The following PCNX2 variants were observed in gnomAD, a reference collection of about 807,000 sequenced individuals.
The protein encoded by PCNX2 is pecanex-like protein 2.
A neutral mutation model predicts 223.8 loss-of-function variants in PCNX2; 168 were observed. The ratio of observed to expected loss-of-function variants is 0.75; its 90% confidence interval spans 0.66 to 0.85. The LOEUF (loss-of-function observed/expected upper bound fraction) is 0.85. Ranked by LOEUF, PCNX2 falls within the 40% of genes least tolerant of loss-of-function variation. The pLI, the probability that PCNX2 is intolerant of heterozygous loss-of-function variation, is 0.00. For missense variants in PCNX2, 2,507 were observed against 2,675.5 expected (o/e 0.94, Z 1.39); for synonymous variants, 1,006 against 1,052.6 (o/e 0.96, Z 0.86).
At chr1:233,319,920 TCCCCAA>T in the PCNX2 span, among the ~76,000 whole-genome samples, 1 of 152,210 alleles carries the variant, frequency 6.6e-6, no homozygotes, top group Non-Finnish European at 1.5e-5. Context: ...TAATTCATTT[TCCCCAA>T]ACTAAAACAT....
chr1:233,178,631 A>G (rs538065595), intron 16 of PCNX2, among the ~76,000 whole-genome samples: 1 of 152,132 alleles, frequency 6.6e-6, no homozygotes, highest in Non-Finnish European at 1.5e-5. Context: ...CAATAAAATC[A>G]AACAAAATCT....
At chr1:232,994,168 T>C (rs994221599) in intron 32 of PCNX2, among the ~76,000 whole-genome samples, 3 of 152,198 alleles carry the variant, frequency 2.0e-5, no homozygotes, top group Non-Finnish European at 4.4e-5. Context: ...CAGCTTGCAC[T>C]GTGCACCTGG....
chr1:233,021,192 G>A (rs1670876360), intron 26 of PCNX2, among the ~76,000 whole-genome samples: 1 of 152,096 alleles, frequency 6.6e-6, no homozygotes, highest in South Asian at 2.1e-4. Flanking sequence ...GCTGTATTTG[G>A]AGGCAACCTC....
intron 10 of PCNX2, among the ~76,000 whole-genome samples, chr1:233,223,497 A>G (rs1221700638): frequency 6.6e-6 from 1 of 152,152 alleles, no homozygotes; most frequent in Non-Finnish European, 1.5e-5. Context: ...CAGAACGTGC[A>G]GGTTTTTTAC....
intron 25 of PCNX2, among the ~76,000 whole-genome samples, chr1:233,042,199 C>T (rs1381350516): frequency 5.9e-5 from 9 of 152,188 alleles, no homozygotes; most frequent in Admixed American, 1.3e-4. Flanking sequence ...ATCTCTGTAA[C>T]ATCTGCCCCT....
intron 19 of PCNX2, among the ~76,000 whole-genome samples, chr1:233,154,622 C>T (rs1482659125): frequency 3.9e-5 from 6 of 152,134 alleles, no homozygotes; most frequent in South Asian, 2.1e-4. Flanking sequence ...CAGATATCAA[C>T]GCAACATTTA....
At chr1:233,112,742 T>C (rs1675185780) in intron 21 of PCNX2, 3 of 940,630 alleles carry the variant, frequency 3.2e-6, no homozygotes, top group Non-Finnish European at 2.8e-6. Context: ...ATATTTATTA[T>C]AGTATACTTT....
At chr1:232,999,459 T>G in intron 30 of PCNX2, 80 bp from the exon 31 acceptor site, 2 of 1,419,508 alleles carry the variant, frequency 1.4e-6, no homozygotes, top group Non-Finnish European at 1.9e-6. Context: ...TTTCTTTTTT[T>G]TTTTTTTTTT....
chr1:233,235,933 T>A (rs1658359780), intron 9 of PCNX2, among the ~76,000 whole-genome samples: 1 of 109,358 alleles, frequency 9.1e-6, no homozygotes, highest in Non-Finnish European at 1.9e-5. Flanking sequence ...TTTGGAAAAA[T>A]GTGGCAAAGC....
intron 13 of PCNX2, chr1:233,202,025 G>C: frequency 2.9e-6 from 1 of 349,740 alleles, no homozygotes; most frequent in Non-Finnish European, 5.8e-6. Context: ...ACATCCTGGA[G>C]GAGGAAAGCT....
intron 13 of PCNX2, among the ~76,000 whole-genome samples, chr1:233,206,054 T>C (rs897842441): frequency 8.6e-5 from 13 of 151,626 alleles, no homozygotes; most frequent in African/African-American, 2.7e-4. Flanking sequence ...AGGAACACAA[T>C]GTGTGAGAAG....
intron 1 of PCNX2, among the ~76,000 whole-genome samples, chr1:233,286,340 G>A (rs1304681980): frequency 1.3e-5 from 2 of 151,612 alleles, no homozygotes; most frequent in South Asian, 4.2e-4. Flanking sequence ...CACCTAATAT[G>A]AGCCCCCTAC....
intron 21 of PCNX2, among the ~76,000 whole-genome samples, chr1:233,106,060 G>C (rs1027471835): frequency 2.0e-5 from 3 of 152,170 alleles, no homozygotes; most frequent in Admixed American, 1.3e-4. Flanking sequence ...CTTCAATAAA[G>C]AAGAAACAGG....
At chr1:233,017,625 C>T (rs1670731931) in intron 26 of PCNX2, among the ~76,000 whole-genome samples, 1 of 151,420 alleles carries the variant, frequency 6.6e-6, no homozygotes, top group African/African-American at 2.4e-5. Flanking sequence ...CTAAAACGTC[C>T]TCTCTTAAGG....
At chr1:233,290,772 C>T in intron 1 of PCNX2, 1 of 985,260 alleles carries the variant, frequency 1.0e-6, no homozygotes, top group Non-Finnish European at 1.2e-6. Flanking sequence ...TTTTAAAAAG[C>T]AGAACTGGAA....
chr1:233,238,807 AG>A (rs1658578293), intron 8 of PCNX2, among the ~76,000 whole-genome samples: 1 of 152,204 alleles, frequency 6.6e-6, no homozygotes, highest in Non-Finnish European at 1.5e-5. Context: ...TGATGAAGTC[AG>A]GGTTTAGGAC....
intron 7 of PCNX2, among the ~76,000 whole-genome samples, chr1:233,251,434 C>T (rs190003096): frequency 1.3e-5 from 2 of 152,240 alleles, no homozygotes; most frequent in African/African-American, 4.8e-5. Context: ...TGTGAAAATC[C>T]GGTTTCTGCC....
At chr1:233,248,060 T>C (rs1659229489) in intron 8 of PCNX2, among the ~76,000 whole-genome samples, 1 of 152,084 alleles carries the variant, frequency 6.6e-6, no homozygotes. Context: ...CATTCACACA[T>C]GAGAAAAGCT....
chr1:233,190,165 G>A (rs916100466), intron 15 of PCNX2, among the ~76,000 whole-genome samples: 2 of 152,050 alleles, frequency 1.3e-5, no homozygotes, highest in Admixed American at 6.6e-5. Context: ...ATGCTGAAAC[G>A]GTTCACAAGG....
Sources: gnomAD v4.1 joint callset for allele counts (sites outside exome capture counted in the v4.1 genomes callset) on GRCh38, gnomAD v4.1.1 for gene constraint, MANE v1.5 for transcripts, NCBI Gene and HGNC (gene_info 2026-07-23, HGNC 2026-07-21) for gene names.